PKP3: variants seen among roughly 807,000 people sequenced by gnomAD.
PKP3 encodes the protein plakophilin 3.
Under a neutral mutation model 76.5 loss-of-function variants are expected in PKP3, and 66 were observed. The observed-to-expected ratio is 0.86, with a 90% CI of 0.71 to 1.06. The LOEUF is 1.06. Among genes scored for constraint, PKP3 ranks in the 50% least tolerant of loss-of-function variants. The pLI is 0.00. For missense variants in PKP3, 1,338 were observed against 1,141.0 expected, an observed-to-expected ratio of 1.17 and a Z score of -2.49; for synonymous variants, 638 against 516.5, an observed-to-expected ratio of 1.24 and a Z score of -3.19.
At chr11:393,520 G>C (rs1030775758), upstream of PKP3, 3 of 152,202 alleles carry the variant, frequency 2.0e-5, no homozygotes, top group African/African-American at 7.3e-5. Context: ...TGTAGGGGGT[G>C]AGGGGGTCCT....
intron 5 of PKP3, 99 bp from the exon 6 acceptor site, chr11:399,868 G>A (rs977310230): frequency 8.9e-5 from 90 of 1,011,624 alleles, no homozygotes; most frequent in Admixed American, 2.2e-4. Flanking sequence ...AGAACACCAG[G>A]CCAGCCCCTG....
chr11:396,757 CG>C (rs1191730062), intron 2 of PKP3, 56 bp from the exon 3 acceptor site: 9 of 1,568,822 alleles, frequency 5.7e-6, no homozygotes, highest in East Asian at 2.3e-5. Flanking sequence ...GGCTCTGCAG[CG>C]GGCCCGGACA....
Position 394,287 on chromosome 11 carries a change from G to A in PKP3, c.-6G>A, listed in dbSNP as rs968138061. Reference sequence around the variant, plus strand: ...CGCCAGGCCCAGGCCCGGTGGACCTGCCGCCATGCAGGACGGTAACTTCCT... The same window carrying A: ...CGCCAGGCCCAGGCCCGGTGGACCTACCGCCATGCAGGACGGTAACTTCCT... On this transcript the variant is annotated 5_prime_UTR_variant, in exon 1 of 13. Coordinates refer to ENST00000331563, the MANE Select transcript of PKP3 (RefSeq NM_007183.4). 14 of 1,502,960 alleles carry A rather than the reference G, an allele frequency of 9.3e-6. No homozygotes were observed. In the Admixed American group the frequency reaches 2.4e-4, roughly 25 times the overall value. 93.1% of individuals were successfully genotyped at this position (1,502,960 alleles called of 1,614,324 possible).
rs771132648 is a variant in PKP3 at position 404,239 on chromosome 11, C to G, written c.2274C>G (p.Pro758=). The change falls in exon 12 of 13, where the codon CCC becomes CCG. Residue 758 remains proline (P), a synonymous_variant. Transcript: ENST00000331563. This position sits in a 1 kb window ranked among gnomAD's most constrained non-coding sequence, Gnocchi z 4.2. The part of the protein sequence containing the change: ...LIFIKKKRDS[P]DSEKSSRAAS... ...CCTGACTGCCCTCCACCCTCAGCCC[C>G]GACAGTGAGAAGTCCTCCCGGGCAG... 6 of 1,612,488 alleles carry G rather than the reference C, an allele frequency of 3.7e-6. No individual in the cohort carries two copies. In the Admixed American group the frequency reaches 5.0e-5, roughly 13 times the overall value.
In PKP3 at chr11:400,011, C is replaced by T. The variant is rs1399224888; in HGVS notation, c.1318C>T (p.Leu440=). The change falls in exon 6 of 13, where the codon CTG becomes TTG. Residue 440 remains leucine, a synonymous_variant. Coordinates refer to ENST00000331563, the MANE Select transcript of PKP3 (RefSeq NM_007183.4). ...LSSSDHLKDR[L]ARDTLEQLTD... ...ATCCAGCGACCACCTGAAGGACCGC[C>T]TGGCCAGAGACACGCTGGAGCAGCT... is the stretch of plus-strand genomic sequence containing the variant. 1.2e-5 allele frequency: 20 copies of T among 1,607,820 alleles called. No individual in the cohort carries two copies. The highest frequency in any genetic ancestry group is 1.5e-5 in the Non-Finnish European group (18 of 1,178,572).
At chr11:400,811 G>GCCCCGCTCACACCGGA in intron 8 of PKP3, 106 bp downstream of exon 8, 1 of 378,656 alleles carries the variant, frequency 2.6e-6, no homozygotes, top group Non-Finnish European at 3.2e-6. Flanking sequence ...CGCTCACCCC[G>GCCCCGCTCACACCGGA]CCCCGCTCAC....
At position 397,633 on chromosome 11, in the gene PKP3, T is replaced by A. The variant is rs1324497291; in HGVS notation, c.1039T>A (p.Cys347Ser). The part of the protein sequence containing the change: ...VLGAAYIQHK[C>S]YSDAAAKKQA... ...GGGAGCGGCCTACATCCAGCACAAG[T>A]GCTACAGCGATGCAGCCGCCAAGAA... is the stretch of plus-strand genomic sequence containing the variant. Residue 347 changes from cysteine to serine, a missense_variant, in exon 4 of 13, where the codon TGC becomes AGC. By Grantham distance (112) the Cys-to-Ser change is moderately radical. Coordinates refer to ENST00000331563, the MANE Select transcript of PKP3 (RefSeq NM_007183.4). The A allele has an allele frequency of 6.2e-7, 1 of 1,611,788 alleles. No individual in the cohort carries two copies. Among genetic ancestry groups the A allele is most frequent in the Admixed American group, 1.7e-5 (1 of 59,940 alleles).
chr11:400,318 C>A lies in PKP3; in HGVS notation c.1449-16C>A. The A allele has an allele frequency of 6.5e-7, 1 of 1,536,546 alleles. No individual in the cohort carries two copies. Among genetic ancestry groups the A allele is most frequent in the Non-Finnish European group, 8.8e-7 (1 of 1,136,546 alleles). On this transcript the variant is annotated splice_polypyrimidine_tract_variant and intron_variant, in intron 6 of 12. Coordinates refer to ENST00000331563, the MANE Select transcript of PKP3 (RefSeq NM_007183.4). The stretch of plus-strand genomic sequence containing the variant: ...TGCGGGGTCCCTGGGGGGCTCTGAT[C>A]CACCTCGGTCCCCAGGAACCTCAGC...
upstream of PKP3, chr11:392,814 C>T (rs545399919): frequency 1.4e-4 from 68 of 482,036 alleles, no homozygotes; most frequent in African/African-American, 1.2e-3. Context: ...TAACCCCCCA[C>T]GCTGACCTCC....
rs373142275 is a variant in PKP3 at position 394,491 on chromosome 11, G to A, written c.199G>A (p.Ala67Thr). 188 of 1,411,594 alleles carry A rather than the reference G, an allele frequency of 1.3e-4. No homozygotes were observed. The highest frequency in any genetic ancestry group is 5.0e-4 in the Middle Eastern group (2 of 3,996). The allele number at this position is 1,411,594 out of a possible 1,614,324, so 87.4% of individuals were successfully genotyped here. A position where few individuals can be genotyped will look rare whatever the true frequency, so the allele number is the denominator to read the frequency against. ...ACAGCAGCCGCGGCACAACGGGGCC[G>A]CTGAGCCCGAGCCTGAGGCCGAGAC... ...LGQQPRHNGAAEPEPEAETAR... is the reference protein window; with the variant it reads ...LGQQPRHNGATEPEPEAETAR... The change falls in exon 1 of 13, where the codon GCT becomes ACT. Residue 67 changes from alanine (A) to threonine (T), a missense_variant. Transcript: ENST00000331563.
Position 404,231 on chromosome 11 carries a change from C to T in PKP3, c.2271-5C>T. On this transcript the variant is annotated splice_polypyrimidine_tract_variant and splice_region_variant and intron_variant, in intron 11 of 12. Transcript: ENST00000331563. The surrounding 1 kb of genome is among the most constrained non-coding windows in gnomAD (Gnocchi z 4.2). ...TGTCCCCTCCTGACTGCCCTCCACC[C>T]TCAGCCCCGACAGTGAGAAGTCCTC... 1 of 1,612,434 alleles carries T rather than the reference C, an allele frequency of 6.2e-7. No individual in the cohort carries two copies. The highest frequency in any genetic ancestry group is 2.2e-5 in the East Asian group (1 of 44,884).
In PKP3 at chr11:398,084, C is replaced by T. The variant is rs77197307; in HGVS notation, c.1068+422C>T. Among the ~76,000 whole-genome samples the T allele has an allele frequency of 4.9e-4, 40 of 80,980 alleles. No individual in the cohort carries two copies. In the East Asian group the frequency reaches 8.2e-3, roughly 17 times the overall value. The allele number at this position is 80,980 out of a possible 152,430, so 53.1% of individuals were successfully genotyped here. A position where few individuals can be genotyped will look rare whatever the true frequency, so the allele number is the denominator to read the frequency against. On this transcript the variant is annotated intron_variant, in intron 4 of 12. Coordinates refer to ENST00000331563, the MANE Select transcript of PKP3 (RefSeq NM_007183.4). Reference sequence around the variant, plus strand: ...ACCTCCGTACCCCCGCACACACCTCCGTCACCTCCGTACCCCCGCACACAC... The same window carrying T: ...ACCTCCGTACCCCCGCACACACCTCTGTCACCTCCGTACCCCCGCACACAC...
At chr11:399,942 G>C in intron 5 of PKP3, 25 bp from the exon 6 acceptor site, 1 of 1,572,502 alleles carries the variant, frequency 6.4e-7, no homozygotes, top group Non-Finnish European at 8.6e-7. Flanking sequence ...GGCAGACGCT[G>C]ATAGCAGCCT....
chr11:394,810 T>C (rs1368851575), intron 1 of PKP3, among the ~76,000 whole-genome samples: 2 of 152,066 alleles, frequency 1.3e-5, no homozygotes, highest in African/African-American at 4.8e-5. Flanking sequence ...GGTTGGCACA[T>C]GGCAGGCGGG....
intron 1 of PKP3, among the ~76,000 whole-genome samples, chr11:395,413 C>A (rs575174952): frequency 1.3e-5 from 2 of 152,196 alleles, no homozygotes; most frequent in Non-Finnish European, 2.9e-5. Flanking sequence ...GCCGGCCCGG[C>A]GGCCTGGACT....
At chr11:396,367 C>T (rs1847044537) in intron 1 of PKP3, 1 of 483,482 alleles carries the variant, frequency 2.1e-6, no homozygotes, top group Non-Finnish European at 3.6e-6. Context: ...TCTGCCCTCT[C>T]GGGTAGAGGA....
At chr11:395,667 A>G (rs1847036186) in intron 1 of PKP3, among the ~76,000 whole-genome samples, 1 of 152,180 alleles carries the variant, frequency 6.6e-6, no homozygotes, top group African/African-American at 2.4e-5. Flanking sequence ...CCCATTAACC[A>G]GGGTGAACCT....
chr11:404,869 G>C lies in PKP3; in HGVS notation c.*300G>C. ...TGGCTGTGGCCTGGCAGTATCTTGG[G>C]ATAGCCAGCACTGGGAATAAAGATG... On this transcript the variant is annotated 3_prime_UTR_variant, in exon 13 of 13. Transcript: ENST00000331563. This position sits in a 1 kb window ranked among gnomAD's most constrained non-coding sequence, Gnocchi z 4.2. The C allele has an allele frequency of 2.1e-6, 1 of 470,274 alleles. No homozygotes were observed. Among genetic ancestry groups the C allele is most frequent in the Admixed American group, 3.5e-5 (1 of 28,726 alleles). The allele number at this position is 470,274 out of a possible 1,614,324, so 29.1% of individuals were successfully genotyped here. A position where few individuals can be genotyped will look rare whatever the true frequency, so the allele number is the denominator to read the frequency against.
Position 394,455 on chromosome 11 carries a change from T to C in PKP3, c.163T>C (p.Leu55=). The change falls in exon 1 of 13, where the codon TTG becomes CTG. Residue 55 remains leucine (L), a synonymous_variant. Transcript: ENST00000331563. ...RVQEQVRARL[L]QLGQQPRHNG... ...CCAGGAGCAGGTCCGCGCCCGCCTC[T>C]TGCAGCTGGGACAGCAGCCGCGGCA... 6.9e-7 allele frequency: 1 copy of C among 1,449,498 alleles called. No individual in the cohort carries two copies. Among genetic ancestry groups the C allele is most frequent in the South Asian group, 1.4e-5 (1 of 73,734 alleles). The allele number at this position is 1,449,498 out of a possible 1,614,324, so 89.8% of individuals were successfully genotyped here.
Sources: allele counts gnomAD v4.1 joint callset (sites outside exome capture counted in the v4.1 genomes callset), GRCh38; gene constraint gnomAD v4.1.1; non-coding constraint Gnocchi (gnomAD v3.1); transcripts MANE v1.5; gene names NCBI Gene and HGNC (gene_info 2026-07-23, HGNC 2026-07-21).